The following SREBF2 variants were observed in gnomAD, a reference collection of about 807,000 sequenced individuals.
The protein encoded by SREBF2 is sterol regulatory element binding transcription factor 2.
SREBF2 carries 55 observed loss-of-function variants against 113.1 expected under a neutral mutation model. The ratio of observed to expected loss-of-function variants is 0.49; its 90% CI spans 0.39 to 0.61. SREBF2 has a LOEUF of 0.61. Among genes scored for constraint, SREBF2 ranks in the 20% least tolerant of loss-of-function variants. The pLI, the probability that SREBF2 is intolerant of heterozygous loss-of-function variation, is 0.00. For missense variants in SREBF2, 1,349 were observed against 1,487.4 expected (o/e 0.91, Z 1.53); for synonymous variants, 593 against 605.7 (o/e 0.98, Z 0.31).
In SREBF2 at chr22:41,906,047, G is replaced by A; in HGVS notation, c.*387G>A. On this transcript the variant is annotated 3_prime_UTR_variant, in exon 19 of 19. Coordinates refer to ENST00000361204, the MANE Select transcript of SREBF2 (RefSeq NM_004599.4). ...TTCTCTGGGGGACAGCAGTCTCTGAGCACCAGGGAGCAGTTGCCCTCAGGC... is the reference window on the plus strand; with the variant it reads ...TTCTCTGGGGGACAGCAGTCTCTGAACACCAGGGAGCAGTTGCCCTCAGGC... The A allele has an allele frequency of 2.1e-6, 1 of 473,140 alleles. No homozygotes were observed. Among genetic ancestry groups the A allele is most frequent in the Non-Finnish European group, 4.2e-6 (1 of 238,704 alleles). 29.3% of individuals were successfully genotyped at this position (473,140 alleles called of 1,614,324 possible).
At chr22:41,871,320 G>T (rs2077138991) in intron 4 of SREBF2, among the ~76,000 whole-genome samples, 1 of 152,160 alleles carries the variant, frequency 6.6e-6, no homozygotes, top group African/African-American at 2.4e-5. Flanking sequence ...TCACCTCTTA[G>T]ATCCTGCTGA....
chr22:41,849,661 G>A (rs1319962090), intron 1 of SREBF2, among the ~76,000 whole-genome samples: 1 of 152,152 alleles, frequency 6.6e-6, no homozygotes, highest in Admixed American at 6.6e-5. Context: ...GATTGTTCTA[G>A]AAAACAGCAT....
Position 41,904,896 on chromosome 22 carries a change from G to T in SREBF2, c.3127G>T (p.Ala1043Ser). The T allele has an allele frequency of 6.2e-7, 1 of 1,604,064 alleles. No homozygotes were observed. Among genetic ancestry groups the T allele is most frequent in the South Asian group, 1.1e-5 (1 of 89,656 alleles). The stretch of plus-strand genomic sequence containing the variant: ...GCATGAAGCCACCGTGCGCCTGATG[G>T]CAGGAGCCAGCCCCACCCGCACCCA... The part of the protein sequence containing the change: ...FLHEATVRLM[A>S]GASPTRTHQL... The change falls in exon 18 of 19, where the codon GCA (alanine) becomes TCA (serine). Residue 1043 changes from alanine (A) to serine (S), a missense_variant. Transcript: ENST00000361204.
chr22:41,872,848 G>C (rs1456987048), intron 4 of SREBF2, among the ~76,000 whole-genome samples: 2 of 150,292 alleles, frequency 1.3e-5, no homozygotes, highest in Non-Finnish European at 1.5e-5. Context: ...CTGTGATCAC[G>C]CCACTGCACT....
At chr22:41,889,284 A>C (rs1445889062) in intron 11 of SREBF2, among the ~76,000 whole-genome samples, 1 of 151,764 alleles carries the variant, frequency 6.6e-6, no homozygotes, top group African/African-American at 2.4e-5. Context: ...ACACCACCAC[A>C]CCGAGCTTAT....
At chr22:41,877,885 G>T in intron 8 of SREBF2, 57 bp from the exon 9 acceptor site, 4 of 1,590,278 alleles carry the variant, frequency 2.5e-6, no homozygotes, top group African/African-American at 1.3e-5. Flanking sequence ...TCTGTCAGGT[G>T]CCTGGCTGCT....
chr22:41,872,496 T>C (rs1602311384), intron 4 of SREBF2, among the ~76,000 whole-genome samples: 1 of 152,228 alleles, frequency 6.6e-6, no homozygotes, highest in Admixed American at 6.5e-5. Context: ...AGATTTGTGG[T>C]TTTTATTGTG....
chr22:41,845,118 A>T (rs2076865344), intron 1 of SREBF2, among the ~76,000 whole-genome samples: 1 of 151,806 alleles, frequency 6.6e-6, no homozygotes, highest in Admixed American at 6.6e-5. Context: ...TTTAGTAAAG[A>T]TGAGGTTTCA....
chr22:41,852,815 G>T (rs2076944725), intron 1 of SREBF2, among the ~76,000 whole-genome samples: 1 of 137,900 alleles, frequency 7.3e-6, no homozygotes, highest in African/African-American at 2.7e-5. Flanking sequence ...GAGTGCAGTG[G>T]CACAGTCTCA....
At chr22:41,892,304 T>C (rs1221163355) in intron 11 of SREBF2, among the ~76,000 whole-genome samples, 3 of 152,198 alleles carry the variant, frequency 2.0e-5, no homozygotes, top group South Asian at 2.1e-4. Flanking sequence ...AAAGAAAAAT[T>C]AGTCAAAGCA....
intron 5 of SREBF2, 58 bp from the exon 6 acceptor site, chr22:41,875,279 C>T (rs1602314934): frequency 6.8e-7 from 1 of 1,473,070 alleles, no homozygotes; most frequent in South Asian, 1.2e-5. Context: ...GGGCTCTGCT[C>T]TTTTCACACT....
intron 10 of SREBF2, among the ~76,000 whole-genome samples, chr22:41,881,309 T>G (rs1602324038): frequency 6.6e-6 from 1 of 152,264 alleles, no homozygotes; most frequent in East Asian, 1.9e-4. Context: ...GACTTAAAAT[T>G]GCTGACATCT....
chr22:41,837,858 CAAAAA>C (rs35054500), intron 1 of SREBF2, among the ~76,000 whole-genome samples: 3 of 102,978 alleles, frequency 2.9e-5, no homozygotes, highest in Admixed American at 1.1e-4. Flanking sequence ...GACTCTGTCT[CAAAAA>C]AAAAAAAAAA....
intron 15 of SREBF2, 60 bp downstream of exon 15, chr22:41,898,841 GCA>G (rs1219677174): frequency 6.2e-7 from 1 of 1,603,612 alleles, no homozygotes. Flanking sequence ...GTTTGAGTTA[GCA>G]GGAGCAAACT....
Position 41,906,299 on chromosome 22 carries a change from A to G in SREBF2, c.*639A>G, listed in dbSNP as rs926376982. ...GGGAGGCTGGTGGGAGGCAGGGGGC[A>G]GGCCTGCGGATGCATGAAATAATGT... is the stretch of plus-strand genomic sequence containing the variant. On this transcript the variant is annotated 3_prime_UTR_variant, in exon 19 of 19. Transcript: ENST00000361204. 2 of 232,954 alleles carry G rather than the reference A, an allele frequency of 8.6e-6. No homozygotes were observed. Among genetic ancestry groups the G allele is most frequent in the Admixed American group, 5.2e-5 (1 of 19,100 alleles). The allele number at this position is 232,954 out of a possible 1,614,324, so 14.4% of individuals were successfully genotyped here.
chr22:41,854,193 C>T (rs1490478062), intron 1 of SREBF2, among the ~76,000 whole-genome samples: 1 of 151,590 alleles, frequency 6.6e-6, no homozygotes, highest in African/African-American at 2.4e-5. Flanking sequence ...GATGGCGTTT[C>T]ACTCTTGCCA....
chr22:41,876,417 A>T (rs1246910961), intron 7 of SREBF2, among the ~76,000 whole-genome samples: 2 of 152,190 alleles, frequency 1.3e-5, no homozygotes, highest in Non-Finnish European at 2.9e-5. Context: ...TATTCTTATA[A>T]ATGTGGTTCT....
At chr22:41,879,303 G>A (rs1173477088) in intron 9 of SREBF2, among the ~76,000 whole-genome samples, 7 of 152,254 alleles carry the variant, frequency 4.6e-5, no homozygotes, top group Non-Finnish European at 1.0e-4. Context: ...AAGGATAAGA[G>A]AGGCTCCAAG....
chr22:41,835,539 A>G (rs950337822), intron 1 of SREBF2, among the ~76,000 whole-genome samples: 1 of 151,672 alleles, frequency 6.6e-6, no homozygotes, highest in Non-Finnish European at 1.5e-5. Context: ...CCAACTCCCA[A>G]CCTCAGGTGA....
Sources: allele counts gnomAD v4.1 joint callset (sites outside exome capture counted in the v4.1 genomes callset), GRCh38; gene constraint gnomAD v4.1.1; transcripts MANE v1.5; gene names NCBI Gene and HGNC (gene_info 2026-07-23, HGNC 2026-07-21).